Variants in KCTD3 observed in about 807,000 individuals in gnomAD.
KCTD3 encodes the protein BTB/POZ domain-containing protein KCTD3.
KCTD3 carries 41 observed loss-of-function variants against 85.8 expected under a neutral mutation model. The ratio of observed to expected loss-of-function variants is 0.48; its 90% CI spans 0.37 to 0.62. KCTD3 has a LOEUF of 0.62. KCTD3 is among the 20% of genes least tolerant of loss of function. The probability of loss-of-function intolerance (pLI) is 0.00; values close to 1 mark genes in which losing one functional copy is unlikely to be tolerated. For synonymous variants in KCTD3, 338 were observed against 345.4 expected, an observed-to-expected ratio of 0.98 and a Z score of 0.24; for missense variants, 724 against 989.9, an observed-to-expected ratio of 0.73 and a Z score of 3.60.
rs11362703 is a variant in KCTD3, at chr1:215,593,857, C to CT, written c.818-1478dup. On this transcript the variant is annotated intron_variant, in intron 9 of 17. Transcript: ENST00000259154. The stretch of plus-strand genomic sequence containing the variant: ...TTTAAGTGCTAGAATTGGAATACAA[C>CT]TTTTTTTTTTTTTTTTTTTTTGAGA... 4.3e-3 allele frequency among the ~76,000 whole-genome samples: 481 copies of CT among 111,728 alleles called. 2 individuals are homozygous for CT. Among genetic ancestry groups the CT allele is most frequent in the East Asian group, 9.9e-3 (39 of 3,930 alleles). The allele number at this position is 111,728 out of a possible 152,430, so 73.3% of individuals were successfully genotyped here. A position where few individuals can be genotyped will look rare whatever the true frequency, so the allele number is the denominator to read the frequency against.
chr1:215,615,635 A>G (rs1416467357), intron 15 of KCTD3, among the ~76,000 whole-genome samples: 1 of 152,102 alleles, frequency 6.6e-6, no homozygotes, highest in Non-Finnish European at 1.5e-5. Flanking sequence ...AAAAAAAAAA[A>G]AGAAATCTGC....
chr1:215,615,086 CAA>C (rs1349342357), intron 15 of KCTD3, among the ~76,000 whole-genome samples: 1 of 152,048 alleles, frequency 6.6e-6, no homozygotes, highest in African/African-American at 2.4e-5. Context: ...CATAATAAAA[CAA>C]ATTTTATAAT....
At chr1:215,618,788 A>G in intron 15 of KCTD3, 98 bp from the exon 16 acceptor site, 1 of 903,162 alleles carries the variant, frequency 1.1e-6, no homozygotes, top group Non-Finnish European at 1.7e-6. Context: ...TTCTAGTATA[A>G]CATGTTTGCT....
At chr1:215,604,108 C>T in intron 12 of KCTD3, 24 bp from the exon 13 acceptor site, 4 of 1,574,794 alleles carry the variant, frequency 2.5e-6, no homozygotes, top group Non-Finnish European at 3.4e-6. Flanking sequence ...AATGTATCAC[C>T]TGTCAACTCT....
At chr1:215,594,436 C>T (rs868063570) in intron 9 of KCTD3, among the ~76,000 whole-genome samples, 4 of 152,160 alleles carry the variant, frequency 2.6e-5, no homozygotes, top group Non-Finnish European at 5.9e-5. Context: ...ACCTCTCTCA[C>T]CTACACTTAC....
intron 15 of KCTD3, among the ~76,000 whole-genome samples, chr1:215,612,347 A>G (rs1161363531): frequency 1.3e-5 from 2 of 152,216 alleles, no homozygotes; most frequent in Non-Finnish European, 2.9e-5. Flanking sequence ...TAAAATAAAA[A>G]TGATATTAAT....
chr1:215,600,435 T>TG (rs921896441), intron 10 of KCTD3, among the ~76,000 whole-genome samples: 95 of 152,320 alleles, frequency 6.2e-4, no homozygotes, highest in African/African-American at 2.3e-3. Context: ...ACTTCCTCTG[T>TG]GAACCTTCCT....
chr1:215,612,196 C>T (rs1222274872), intron 15 of KCTD3, among the ~76,000 whole-genome samples: 2 of 152,056 alleles, frequency 1.3e-5, no homozygotes, highest in African/African-American at 2.4e-5. Context: ...AACATAAATA[C>T]TTATTAATTT....
In KCTD3 at chr1:215,579,156, A is replaced by G; in HGVS notation, c.535+19A>G. On this transcript the variant is annotated intron_variant, in intron 7 of 17. Coordinates refer to ENST00000259154, the MANE Select transcript of KCTD3 (RefSeq NM_016121.5). ...AGGCTAGGTAAGCAAAGATTACAGA[A>G]ATAGAAAAAGAAAAATACGTATGTT... 1 of 1,602,590 alleles carries G rather than the reference A, an allele frequency of 6.2e-7. No homozygotes were observed. The highest frequency in any genetic ancestry group is 8.5e-7 in the Non-Finnish European group (1 of 1,173,444).
intron 9 of KCTD3, 128 bp downstream of exon 9, chr1:215,586,813 G>T: frequency 1.5e-6 from 1 of 688,322 alleles, no homozygotes; most frequent in Non-Finnish European, 2.4e-6. Context: ...AGTATTTAAT[G>T]TGGGAGGAAT....
chr1:215,598,798 G>A (rs1201670989), intron 10 of KCTD3, among the ~76,000 whole-genome samples: 1 of 152,052 alleles, frequency 6.6e-6, no homozygotes, highest in African/African-American at 2.4e-5. Flanking sequence ...TTCCAGTTGA[G>A]CCAAGAGTGA....
chr1:215,590,444 C>T (rs936905838), intron 9 of KCTD3, among the ~76,000 whole-genome samples: 2 of 152,100 alleles, frequency 1.3e-5, no homozygotes. Context: ...CTCTTTTCTC[C>T]ATCTCTCCCT....
chr1:215,586,328 G>A (rs1660006117), intron 8 of KCTD3, among the ~76,000 whole-genome samples, 167 bp from the exon 9 acceptor site: 1 of 152,086 alleles, frequency 6.6e-6, no homozygotes, highest in African/African-American at 2.4e-5. Context: ...TGGCTTCATA[G>A]GCAATATAGA....
rs1464351964 is a variant in KCTD3 at position 215,586,610 on chromosome 1, A to G, written c.742A>G (p.Lys248Glu). 1.2e-6 allele frequency: 2 copies of G among 1,614,188 alleles called. No individual in the cohort carries two copies. Among genetic ancestry groups the G allele is most frequent in the South Asian group, 1.1e-5 (1 of 91,082 alleles). The stretch of plus-strand genomic sequence containing the variant: ...TGGAGGGCCACATGGAGACAAAGAC[A>G]AAATGGTTGCTGTTGCCTCAGAGAG... ...VVGGPHGDKD[K>E]MVAVASESSI... Residue 248 changes from lysine to glutamate, a missense_variant, in exon 9 of 18, where the codon AAA becomes GAA. Lys to Glu is a moderately conservative substitution (Grantham distance 56, BLOSUM62 1). This residue lies in a region of KCTD3 where 146 missense variants were observed against 320.3 expected (regional missense o/e 0.46). Coordinates refer to ENST00000259154, the MANE Select transcript of KCTD3 (RefSeq NM_016121.5).
chr1:215,591,828 G>C (rs1054380328), intron 9 of KCTD3, among the ~76,000 whole-genome samples: 1 of 152,130 alleles, frequency 6.6e-6, no homozygotes, highest in Non-Finnish European at 1.5e-5. Flanking sequence ...TCAGTTCAGG[G>C]AAATCATCTG....
chr1:215,595,546 T>G, intron 10 of KCTD3, 75 bp downstream of exon 10: 1 of 928,358 alleles, frequency 1.1e-6, no homozygotes, highest in Non-Finnish European at 1.7e-6. Context: ...TTTTTCCTTG[T>G]AGAATTCGTA....
chr1:215,590,116 T>C (rs1660155791), intron 9 of KCTD3, among the ~76,000 whole-genome samples: 1 of 152,224 alleles, frequency 6.6e-6, no homozygotes, highest in South Asian at 2.1e-4. Flanking sequence ...CTTTTTAATT[T>C]GAGCCATTAT....
chr1:215,569,617 A>G (rs1398206821), intron 1 of KCTD3, among the ~76,000 whole-genome samples: 1 of 135,246 alleles, frequency 7.4e-6, no homozygotes, highest in African/African-American at 2.8e-5. Flanking sequence ...TTTTTTTGAG[A>G]CAGAGTCTCG....
chr1:215,604,420 T>C, intron 13 of KCTD3, 118 bp downstream of exon 13: 1 of 749,082 alleles, frequency 1.3e-6, no homozygotes, highest in Non-Finnish European at 2.2e-6. Context: ...TAGAAAAGTT[T>C]AATGACTGAA....
Sources: gnomAD v4.1 joint callset for allele counts (sites outside exome capture counted in the v4.1 genomes callset) on GRCh38, gnomAD v4.1.1 for gene constraint, gnomAD v4.1.1 regional missense constraint, MANE v1.5 for transcripts, NCBI Gene and HGNC (gene_info 2026-07-23, HGNC 2026-07-21) for gene names.